Variants in AATF observed in about 807,000 individuals in gnomAD.
AATF encodes the protein protein AATF.
AATF carries 48 observed loss-of-function variants against 63.7 expected under a neutral mutation model. The ratio of observed to expected loss-of-function variants is 0.75; its 90% CI spans 0.60 to 0.96. The LOEUF (loss-of-function observed/expected upper bound fraction) is 0.96, where lower values mean the gene tolerates loss of function less well. Ranked by LOEUF, AATF falls within the 40% of genes least tolerant of loss-of-function variation. AATF has a pLI of 0.00. For missense variants in AATF, 639 were observed against 685.7 expected (o/e 0.93, Z 0.76); for synonymous variants, 258 against 247.7 (o/e 1.04, Z -0.39).
At chr17:36,959,101 C>T (rs971147878) in intron 4 of AATF, among the ~76,000 whole-genome samples, 2 of 151,160 alleles carry the variant, frequency 1.3e-5, no homozygotes, top group South Asian at 2.1e-4. Flanking sequence ...GGCGAGATTG[C>T]GCCACTGCAC....
intron 11 of AATF, among the ~76,000 whole-genome samples, chr17:37,042,104 C>A (rs959829850): frequency 3.3e-5 from 5 of 151,824 alleles, no homozygotes; most frequent in African/African-American, 1.2e-4. Flanking sequence ...TATAACATTT[C>A]CTGGTTTTTG....
At chr17:36,960,380 T>C (rs1395865342) in intron 4 of AATF, among the ~76,000 whole-genome samples, 4 of 152,222 alleles carry the variant, frequency 2.6e-5, no homozygotes, top group Non-Finnish European at 5.9e-5. Context: ...TGTTTTAAAT[T>C]TTGCGTAAGC....
chr17:36,989,836 A>T (rs2071199618), intron 7 of AATF, among the ~76,000 whole-genome samples: 1 of 152,204 alleles, frequency 6.6e-6, no homozygotes, highest in South Asian at 2.1e-4. Context: ...AAAATTTTTT[A>T]ATTATGGAAG....
chr17:37,005,975 C>T (rs866560414), intron 8 of AATF, among the ~76,000 whole-genome samples: 32 of 151,694 alleles, frequency 2.1e-4, no homozygotes, highest in African/African-American at 7.3e-4. Context: ...AAAAAATAAA[C>T]AGTAAAAAAA....
At chr17:36,951,942 G>T (rs2070858575) in intron 2 of AATF, among the ~76,000 whole-genome samples, 1 of 152,124 alleles carries the variant, frequency 6.6e-6, no homozygotes, top group African/African-American at 2.4e-5. Context: ...AACACATGGG[G>T]CTTTTATGTT....
In AATF at chr17:36,952,998, T is replaced by C. The variant is rs1405946871; in HGVS notation, c.396T>C (p.Asp132=). ...LGAAEEQECG[D]HRESKKSRSH... ...CTGCTGAGGAACAGGAGTGTGGTGATCACAGGGAGAGCAAGAAGAGCAGAA... is the reference window on the plus strand; with the variant it reads ...CTGCTGAGGAACAGGAGTGTGGTGACCACAGGGAGAGCAAGAAGAGCAGAA... Residue 132 remains aspartate (D), a synonymous_variant, in exon 3 of 12, where the codon GAT becomes GAC. Coordinates refer to ENST00000619387, the MANE Select transcript of AATF (RefSeq NM_012138.4). 1 of 1,613,984 alleles carries C rather than the reference T, an allele frequency of 6.2e-7. No homozygotes were observed. Among genetic ancestry groups the C allele is most frequent in the Admixed American group, 1.7e-5 (1 of 60,004 alleles).
intron 11 of AATF, among the ~76,000 whole-genome samples, chr17:37,050,120 G>A (rs1480057584): frequency 6.6e-6 from 1 of 152,176 alleles, no homozygotes; most frequent in South Asian, 2.1e-4. Context: ...TTGAAGTGCT[G>A]CCACAGGGAA....
chr17:37,016,374 C>G (rs534192106), intron 8 of AATF, among the ~76,000 whole-genome samples: 72 of 152,230 alleles, frequency 4.7e-4, no homozygotes, highest in African/African-American at 8.7e-4. Context: ...TCCTGTTCCT[C>G]ATGTATATTG....
intron 9 of AATF, among the ~76,000 whole-genome samples, 161 bp downstream of exon 9, chr17:37,019,233 A>G (rs546718268): frequency 6.6e-6 from 1 of 152,254 alleles, no homozygotes; most frequent in Non-Finnish European, 1.5e-5. Flanking sequence ...TTTACCCTAC[A>G]TTGCCTAAAG....
intron 10 of AATF, among the ~76,000 whole-genome samples, chr17:37,025,420 T>G (rs1439154993): frequency 6.6e-6 from 1 of 151,994 alleles, no homozygotes; most frequent in Non-Finnish European, 1.5e-5. Flanking sequence ...AAGAGTAGAA[T>G]CCTGAAGAAT....
chr17:37,042,331 A>T (rs1279815317), intron 11 of AATF, among the ~76,000 whole-genome samples: 1 of 151,482 alleles, frequency 6.6e-6, no homozygotes, highest in Non-Finnish European at 1.5e-5. Flanking sequence ...TCTACTTGGG[A>T]GCATTATTTT....
chr17:37,026,313 G>C (rs2071510777), intron 10 of AATF, among the ~76,000 whole-genome samples: 1 of 152,220 alleles, frequency 6.6e-6, no homozygotes, highest in Non-Finnish European at 1.5e-5. Flanking sequence ...CATGTGTGTT[G>C]AATTGGTTTT....
chr17:37,030,233 A>G (rs144662370), intron 10 of AATF, among the ~76,000 whole-genome samples: 26 of 152,216 alleles, frequency 1.7e-4, no homozygotes, highest in African/African-American at 6.0e-4. Context: ...ATAATAGGAA[A>G]AATCTTAACC....
chr17:37,011,240 T>C (rs2071388317), intron 8 of AATF, among the ~76,000 whole-genome samples: 2 of 152,090 alleles, frequency 1.3e-5, no homozygotes, highest in African/African-American at 2.4e-5. Flanking sequence ...CCCGGCGTGG[T>C]GGTGCACGCC....
intron 11 of AATF, among the ~76,000 whole-genome samples, chr17:37,039,868 C>G (rs1016754264): frequency 1.3e-5 from 2 of 152,106 alleles, no homozygotes; most frequent in African/African-American, 2.4e-5. Flanking sequence ...AGCCTTGGCT[C>G]CAAGCAGGAG....
chr17:37,047,466 A>G (rs973884969), intron 11 of AATF, among the ~76,000 whole-genome samples: 1 of 152,132 alleles, frequency 6.6e-6, no homozygotes, highest in Non-Finnish European at 1.5e-5. Flanking sequence ...AAACCTGTCC[A>G]CGTGCAGTCC....
At chr17:37,024,581 A>T (rs1436860001) in intron 10 of AATF, among the ~76,000 whole-genome samples, 1 of 152,204 alleles carries the variant, frequency 6.6e-6, no homozygotes, top group Admixed American at 6.5e-5. Context: ...GACCACGTTA[A>T]GAATTTTGGA....
rs756219116 is a variant in AATF at position 37,019,079 on chromosome 17, T to C, written c.1466+7T>C. The C allele has an allele frequency of 5.6e-6, 9 of 1,613,222 alleles. No individual in the cohort carries two copies. The South Asian group carries it at 8.8e-5, about 16-fold the overall frequency. ...ATCAGGTGGCCATGGGAAGGTAATT[T>C]AGATACAGCTTTCTGTTCATGCAAG... On this transcript the variant is annotated splice_region_variant and intron_variant, in intron 9 of 11. Coordinates refer to ENST00000619387, the MANE Select transcript of AATF (RefSeq NM_012138.4).
At chr17:36,992,101 A>G (rs1203349652) in intron 8 of AATF, among the ~76,000 whole-genome samples, 1 of 152,222 alleles carries the variant, frequency 6.6e-6, no homozygotes, top group Non-Finnish European at 1.5e-5. Flanking sequence ...TGTACTGTGT[A>G]TATGGATATG....
Sources: allele counts gnomAD v4.1 joint callset (sites outside exome capture counted in the v4.1 genomes callset), GRCh38; gene constraint gnomAD v4.1.1; transcripts MANE v1.5; gene names NCBI Gene and HGNC (gene_info 2026-07-23, HGNC 2026-07-21).